LMX1A: variants seen among roughly 807,000 people sequenced by gnomAD.
The protein encoded by LMX1A is LIM homeobox transcription factor 1-alpha.
LMX1A carries 15 observed loss-of-function variants against 49.1 expected under a neutral mutation model. That is an observed-to-expected ratio of 0.31 (90% confidence interval 0.20 to 0.47). The LOEUF (loss-of-function observed/expected upper bound fraction) is 0.47, where lower values mean the gene tolerates loss of function less well. Ranked by LOEUF, LMX1A falls within the 20% of genes least tolerant of loss-of-function variation. LMX1A has a pLI of 1.00. For synonymous variants in LMX1A, 167 were observed against 185.7 expected (o/e 0.90, Z 0.82); for missense variants, 372 against 475.8 (o/e 0.78, Z 2.03).
chr1:165,213,489 G>A (rs894742313), intron 5 of LMX1A, 152 bp downstream of exon 5: 2 of 684,434 alleles, frequency 2.9e-6, no homozygotes, highest in Non-Finnish European at 5.0e-6. Context: ...GATCTCTGGA[G>A]TCTCCAACAG....
intron 3 of LMX1A, among the ~76,000 whole-genome samples, chr1:165,258,760 CTAAG>C (rs1341075307): frequency 2.6e-5 from 4 of 152,198 alleles, no homozygotes; most frequent in African/African-American, 7.2e-5. Flanking sequence ...GGTAGACTAA[CTAAG>C]TGCTTTTCTT....
In LMX1A at chr1:165,250,684, C is replaced by G. The variant is rs538812158; in HGVS notation, c.264-1044G>C. Among the ~76,000 whole-genome samples the G allele has an allele frequency of 2.0e-5, 3 of 152,298 alleles. No individual in the cohort carries two copies. The East Asian group carries it at 5.8e-4, about 29-fold the overall frequency. ...GATATGAAGATGAATAAAGGAAAATCCCTCTCAGAATTGAGTTCAGGCTAA... is the reference window on the plus strand; with the variant it reads ...GATATGAAGATGAATAAAGGAAAATGCCTCTCAGAATTGAGTTCAGGCTAA... On this transcript the variant is annotated intron_variant, in intron 3 of 8. Coordinates refer to ENST00000342310, the MANE Select transcript of LMX1A (RefSeq NM_177398.4).
chr1:165,289,717 A>T (rs567915196), intron 3 of LMX1A, among the ~76,000 whole-genome samples: 1 of 152,330 alleles, frequency 6.6e-6, no homozygotes, highest in South Asian at 2.1e-4. Context: ...GCTCCAAGAT[A>T]GCTAATTTTC....
intron 4 of LMX1A, among the ~76,000 whole-genome samples, chr1:165,220,222 T>C (rs1651790481): frequency 6.6e-6 from 1 of 151,920 alleles, no homozygotes; most frequent in Admixed American, 6.6e-5. Context: ...ATGTAAAAGA[T>C]ACTAAAGTAT....
chr1:165,210,286 G>A (rs988272854), intron 6 of LMX1A, among the ~76,000 whole-genome samples: 1 of 152,162 alleles, frequency 6.6e-6, no homozygotes, highest in Non-Finnish European at 1.5e-5. Context: ...CTGGGCCCTG[G>A]GAGAAGTAAG....
At chr1:165,223,958 G>T (rs1331664938) in intron 4 of LMX1A, among the ~76,000 whole-genome samples, 3 of 152,196 alleles carry the variant, frequency 2.0e-5, no homozygotes, top group African/African-American at 7.2e-5. Flanking sequence ...CTTGGCCAGT[G>T]ATATGGTTTG....
At chr1:165,274,244 G>A (rs376081907) in intron 3 of LMX1A, among the ~76,000 whole-genome samples, 10 of 152,206 alleles carry the variant, frequency 6.6e-5, no homozygotes, top group African/African-American at 2.2e-4. Flanking sequence ...CTCTACACAC[G>A]TATGTATTTG....
chr1:165,337,183 T>C (rs774567965), intron 3 of LMX1A, among the ~76,000 whole-genome samples: 1 of 152,174 alleles, frequency 6.6e-6, no homozygotes, highest in Non-Finnish European at 1.5e-5. Flanking sequence ...ACAAAATAAA[T>C]GAATGAATTA....
At chr1:165,259,659 A>G (rs1483831451) in intron 3 of LMX1A, among the ~76,000 whole-genome samples, 1 of 152,146 alleles carries the variant, frequency 6.6e-6, no homozygotes, top group Non-Finnish European at 1.5e-5. Flanking sequence ...AGGCCGATAA[A>G]GGGGCAATAA....
At chr1:165,277,953 G>A (rs1038349115) in intron 3 of LMX1A, among the ~76,000 whole-genome samples, 1 of 152,180 alleles carries the variant, frequency 6.6e-6, no homozygotes, top group Non-Finnish European at 1.5e-5. Context: ...GAACTTTTGA[G>A]AATAACTATA....
chr1:165,285,088 A>G (rs1654267819), intron 3 of LMX1A, among the ~76,000 whole-genome samples: 1 of 152,230 alleles, frequency 6.6e-6, no homozygotes, highest in Non-Finnish European at 1.5e-5. Flanking sequence ...AAAAGATTAC[A>G]TGTTTAGTTT....
chr1:165,206,134 G>A lies in LMX1A; in HGVS notation c.818-100C>T, dbSNP rs556335734. 33 of 1,160,308 alleles carry A rather than the reference G, an allele frequency of 2.8e-5. No individual in the cohort carries two copies. In the South Asian group the frequency reaches 5.0e-4, roughly 18 times the overall value. The allele number at this position is 1,160,308 out of a possible 1,614,324, so 71.9% of individuals were successfully genotyped here. A position where few individuals can be genotyped will look rare whatever the true frequency, so the allele number is the denominator to read the frequency against. On this transcript the variant is annotated intron_variant, in intron 7 of 8. Transcript: ENST00000342310. The stretch of plus-strand genomic sequence containing the variant: ...TCATTTATAAAATAAAATGGGATGA[G>A]GTGACATCAGTGGTCCCAGCCTTTG...
At chr1:165,282,161 G>GT (rs2101706900) in intron 3 of LMX1A, among the ~76,000 whole-genome samples, 1 of 152,200 alleles carries the variant, frequency 6.6e-6, no homozygotes, top group East Asian at 1.9e-4. Flanking sequence ...CAGCCTCATG[G>GT]TTTTCAATAC....
At chr1:165,302,791 AG>A (rs1303341876) in intron 3 of LMX1A, among the ~76,000 whole-genome samples, 2 of 152,198 alleles carry the variant, frequency 1.3e-5, no homozygotes, top group Admixed American at 6.5e-5. Flanking sequence ...GAAAAGTGCC[AG>A]GGTTAGGTTT....
intron 4 of LMX1A, among the ~76,000 whole-genome samples, chr1:165,235,625 G>A (rs1571167234): frequency 6.6e-6 from 1 of 152,066 alleles, no homozygotes; most frequent in African/African-American, 2.4e-5. Context: ...AACGCGCGGC[G>A]GCGCGGGGCG....
intron 3 of LMX1A, among the ~76,000 whole-genome samples, chr1:165,338,810 C>G (rs1366763489): frequency 2.0e-5 from 3 of 152,192 alleles, no homozygotes; most frequent in Non-Finnish European, 2.9e-5. Flanking sequence ...TTGGTAGCAC[C>G]AAGTTCAGTT....
intron 3 of LMX1A, among the ~76,000 whole-genome samples, chr1:165,258,836 C>T (rs904095465): frequency 1.3e-5 from 2 of 152,198 alleles, no homozygotes; most frequent in African/African-American, 4.8e-5. Context: ...CAGCTTTTGA[C>T]ATCTGATTAA....
At chr1:165,311,142 C>T (rs1655064896) in intron 3 of LMX1A, among the ~76,000 whole-genome samples, 1 of 152,176 alleles carries the variant, frequency 6.6e-6, no homozygotes, top group Admixed American at 6.5e-5. Context: ...TCCGCCAGGG[C>T]CCCTTGCTCT....
chr1:165,206,024 G>A lies in LMX1A; in HGVS notation c.828C>T (p.Asn276=), dbSNP rs1216976452. The A allele has an allele frequency of 7.7e-6, 12 of 1,561,992 alleles. No individual in the cohort carries two copies. Among genetic ancestry groups the A allele is most frequent in the Admixed American group, 5.7e-5 (3 of 52,516 alleles). ...CTTCCATCCCAGCACTCCCACCACCGTTTGTCTGAGCTGTGGAACAAAGAA... is the reference window on the plus strand; with the variant it reads ...CTTCCATCCCAGCACTCCCACCACCATTTGTCTGAGCTGTGGAACAAAGAA... The part of the protein sequence containing the change: ...NTQRLSSAQT[N]GGGSAGMEGI... The change falls in exon 8 of 9, where the codon AAC becomes AAT. Residue 276 remains asparagine, a synonymous_variant. Coordinates refer to ENST00000342310, the MANE Select transcript of LMX1A (RefSeq NM_177398.4).
Sources: allele counts gnomAD v4.1 joint callset (sites outside exome capture counted in the v4.1 genomes callset), GRCh38; gene constraint gnomAD v4.1.1; transcripts MANE v1.5; gene names NCBI Gene and HGNC (gene_info 2026-07-23, HGNC 2026-07-21).